SPATA7: variants seen among roughly 807,000 people sequenced by gnomAD.
SPATA7 encodes the protein spermatogenesis-associated protein 7.
SPATA7 carries 43 observed loss-of-function variants against 51.8 expected under a neutral mutation model. The observed-to-expected ratio is 0.83, with a 90% CI of 0.65 to 1.07. SPATA7 has a LOEUF of 1.07. Ranked by LOEUF, SPATA7 falls within the 50% of genes least tolerant of loss-of-function variation. SPATA7 has a pLI of 0.00. For missense variants in SPATA7, 683 were observed against 701.3 expected, an observed-to-expected ratio of 0.97 and a Z score of 0.30; for synonymous variants, 230 against 252.8, an observed-to-expected ratio of 0.91 and a Z score of 0.86.
chr14:88,439,153 G>T (rs533460605), downstream of SPATA7, among the ~76,000 whole-genome samples: 1 of 152,184 alleles, frequency 6.6e-6, no homozygotes, highest in Non-Finnish European at 1.5e-5. Flanking sequence ...ATGGGAAATG[G>T]TTTATGATCT....
chr14:88,416,356 G>A (rs73323510), intron 4 of SPATA7: 5,336 of 182,616 alleles, frequency 0.029, 309 homozygotes, highest in African/African-American at 0.12. Flanking sequence ...ACTGCTAAGA[G>A]TTGCTTTCTT....
In SPATA7 at chr14:88,438,047, G is replaced by A; in HGVS notation, c.1425G>A (p.Leu475=). The change falls in exon 12 of 12, where the codon TTG becomes TTA. Residue 475 remains leucine, a synonymous_variant. Transcript: ENST00000393545. ...QQYQKALDML[L]SAPKDENEIF... ...ACCAAAAGGCTTTGGATATGTTATT[G>A]TCGGCACCAAAGGATGAGAACGAGA... The A allele has an allele frequency of 6.2e-7, 1 of 1,614,086 alleles. No homozygotes were observed.
chr14:88,408,033 A>T (rs920172457), intron 4 of SPATA7, among the ~76,000 whole-genome samples: 2 of 152,172 alleles, frequency 1.3e-5, no homozygotes, highest in Non-Finnish European at 2.9e-5. Flanking sequence ...GTTTGAAGTC[A>T]GGTAGTGTGA....
rs149232135 is a variant in SPATA7, at chr14:88,411,255, C to G, written c.239-5456C>G. Among the ~76,000 whole-genome samples, 637 of 152,330 alleles carry G rather than the reference C, an allele frequency of 4.2e-3. 4 individuals carry two copies. The highest frequency in any genetic ancestry group is 7.2e-3 in the Non-Finnish European group (489 of 68,016). Reference sequence around the variant, plus strand: ...TCTAGAGTCCCAGGTCAACTTCAGACTGCTGTGCTGGCAGGGAGAATTTCA... The same window carrying G: ...TCTAGAGTCCCAGGTCAACTTCAGAGTGCTGTGCTGGCAGGGAGAATTTCA... On this transcript the variant is annotated intron_variant, in intron 4 of 11. Coordinates refer to ENST00000393545, the MANE Select transcript of SPATA7 (RefSeq NM_018418.5).
chr14:88,390,562 T>C (rs1410863918), intron 1 of SPATA7, among the ~76,000 whole-genome samples: 2 of 152,204 alleles, frequency 1.3e-5, no homozygotes, highest in African/African-American at 4.8e-5. Flanking sequence ...TCGCATAGCA[T>C]TGCTGACGCT....
Position 88,469,692 on chromosome 14 carries a change from A to T in SPATA7, c.255-155A>T. 2 of 1,614,168 alleles carry T rather than the reference A, an allele frequency of 1.2e-6. No individual in the cohort carries two copies. Among genetic ancestry groups the T allele is most frequent in the East Asian group, 4.5e-5 (2 of 44,892 alleles). ...AGGTGACAGTGTTGTGCCTGGAACCAAGTCGTGGCCAGTACCTAAAGCTCT... is the reference window on the plus strand; with the variant it reads ...AGGTGACAGTGTTGTGCCTGGAACCTAGTCGTGGCCAGTACCTAAAGCTCT... On this transcript the variant is annotated intron_variant, in intron 4 of 4. Coordinates refer to the SPATA7 transcript ENST00000556406. This position sits in a 1 kb window ranked among gnomAD's most constrained non-coding sequence, Gnocchi z 4.3.
chr14:88,395,748 G>T (rs1223491277), intron 3 of SPATA7, among the ~76,000 whole-genome samples: 4 of 151,934 alleles, frequency 2.6e-5, no homozygotes, highest in Admixed American at 1.3e-4. Context: ...TCTGTTTCTG[G>T]ACTTAACTCC....
At chr14:88,447,518 C>T (rs2077222417) in intron 3 of SPATA7, among the ~76,000 whole-genome samples, 1 of 151,750 alleles carries the variant, frequency 6.6e-6, no homozygotes, top group African/African-American at 2.4e-5. Flanking sequence ...TGAATTTGAT[C>T]CTGTCATTAT....
chr14:88,410,458 T>C (rs1566764111), intron 4 of SPATA7, among the ~76,000 whole-genome samples: 1 of 152,200 alleles, frequency 6.6e-6, no homozygotes, highest in Non-Finnish European at 1.5e-5. Flanking sequence ...TGTGATCCTT[T>C]GGAGGAGAAG....
intron 4 of SPATA7, among the ~76,000 whole-genome samples, chr14:88,408,549 GCAAA>G (rs200143833): frequency 0.012 from 1,761 of 152,244 alleles, 37 homozygotes; most frequent in African/African-American, 0.04. Context: ...CATGTCATCT[GCAAA>G]CAGAGACAAT....
At chr14:88,414,468 AAC>A (rs1006728968) in intron 4 of SPATA7, among the ~76,000 whole-genome samples, 6 of 152,040 alleles carry the variant, frequency 3.9e-5, no homozygotes, top group Admixed American at 2.0e-4. Flanking sequence ...TAATCTTGCT[AAC>A]AGTCTGTTGA....
intron 4 of SPATA7, chr14:88,468,801 G>T: frequency 7.6e-7 from 1 of 1,322,250 alleles, no homozygotes. Flanking sequence ...GTAACATCTT[G>T]AGGCCACCAC....
intron 5 of SPATA7, among the ~76,000 whole-genome samples, chr14:88,424,492 C>T (rs2076735084): frequency 6.6e-6 from 1 of 152,110 alleles, no homozygotes. Flanking sequence ...ATTAAATAAC[C>T]ATTACCGATA....
At position 88,465,060 on chromosome 14, in the gene SPATA7, A is replaced by G. The variant is rs145102096; in HGVS notation, c.255-4787A>G. Among the ~76,000 whole-genome samples, 8 of 152,236 alleles carry G rather than the reference A, an allele frequency of 5.3e-5. No individual in the cohort carries two copies. The East Asian group carries it at 1.4e-3, about 26-fold the overall frequency. ...CTAAGGAAGCACAGGCCCAGCTTCTAATTCGACCAAAGGGTTTTAAAGTCT... is the reference window on the plus strand; with the variant it reads ...CTAAGGAAGCACAGGCCCAGCTTCTGATTCGACCAAAGGGTTTTAAAGTCT... On this transcript the variant is annotated intron_variant, in intron 4 of 4. Coordinates refer to the SPATA7 transcript ENST00000556406.
downstream of SPATA7, among the ~76,000 whole-genome samples, chr14:88,439,970 C>T (rs566570316): frequency 3.3e-5 from 5 of 152,252 alleles, no homozygotes; most frequent in South Asian, 1.0e-3. Context: ...CCTCTTAAAC[C>T]TCCTGAAATA....
intron 4 of SPATA7, among the ~76,000 whole-genome samples, chr14:88,463,801 A>G (rs974518405): frequency 3.9e-5 from 6 of 152,118 alleles, no homozygotes; most frequent in Non-Finnish European, 7.4e-5. Context: ...CCAAGTAGAC[A>G]TGCAAACTTT....
intron 4 of SPATA7, among the ~76,000 whole-genome samples, chr14:88,403,319 A>G (rs2076119959): frequency 6.6e-6 from 1 of 152,218 alleles, no homozygotes; most frequent in Non-Finnish European, 1.5e-5. Context: ...CCACTTCTGA[A>G]TATATATCCA....
intron 4 of SPATA7, among the ~76,000 whole-genome samples, chr14:88,410,020 A>C (rs2076297542): frequency 6.6e-6 from 1 of 152,178 alleles, no homozygotes; most frequent in African/African-American, 2.4e-5. Flanking sequence ...TTATGTGGTC[A>C]ATTTTGGAAT....
chr14:88,438,590 G>A, downstream of SPATA7: 1 of 686,422 alleles, frequency 1.5e-6, no homozygotes, highest in Non-Finnish European at 2.5e-6. Flanking sequence ...CCACAGTTTT[G>A]TGGATCAGGA....
Sources: allele counts gnomAD v4.1 joint callset (sites outside exome capture counted in the v4.1 genomes callset), GRCh38; gene constraint gnomAD v4.1.1; non-coding constraint Gnocchi (gnomAD v3.1); transcripts MANE v1.5; gene names NCBI Gene and HGNC (gene_info 2026-07-23, HGNC 2026-07-21).